The following ADH1A variants were observed in gnomAD, a reference collection of about 807,000 sequenced individuals.
ADH1A encodes the protein alcohol dehydrogenase 1A.
ADH1A carries 29 observed loss-of-function variants against 35.2 expected under a neutral mutation model. The observed-to-expected ratio is 0.82, with a 90% confidence interval of 0.61 to 1.12. ADH1A has a LOEUF of 1.12. ADH1A is among the 50% of genes most tolerant of loss of function. The pLI is 0.00. For missense variants in ADH1A, 469 were observed against 464.7 expected (o/e 1.01, Z -0.09); for synonymous variants, 147 against 164.8 (o/e 0.89, Z 0.83).
chr4:99,286,956 G>C lies in ADH1A; in HGVS notation c.153C>G (p.Asp51Glu), dbSNP rs1733167225. The change falls in exon 3 of 9, where the codon GAC (aspartate) becomes GAG (glutamate). Residue 51 changes from aspartate (D) to glutamate (E), a missense_variant. Physicochemically the swap from Asp to Glu is conservative, Grantham distance 45. Transcript: ENST00000209668. Reference protein sequence around the residue: ...MVAVGICGTDDHVVSGTMVTP... With the variant: ...MVAVGICGTDEHVVSGTMVTP... ...TCACCATGGTACCACTAACCACGTG[G>C]TCATCTGTGCCACAGATTCCTACAG... 1.9e-6 allele frequency: 3 copies of C among 1,614,064 alleles called. No individual in the cohort carries two copies. The highest frequency in any genetic ancestry group is 2.5e-6 in the Non-Finnish European group (3 of 1,180,028).
intron 6 of ADH1A, 62 bp from the exon 7 acceptor site, chr4:99,280,341 C>A (rs1732971328): frequency 6.2e-7 from 1 of 1,606,496 alleles, no homozygotes; most frequent in African/African-American, 1.3e-5. Context: ...ATTCATAATG[C>A]ACAATATCAT....
In ADH1A at chr4:99,286,930, G is replaced by A. The variant is rs1037760683; in HGVS notation, c.179C>T (p.Thr60Ile). 3.7e-6 allele frequency: 6 copies of A among 1,614,138 alleles called. No individual in the cohort carries two copies. The highest frequency in any genetic ancestry group is 4.2e-6 in the Non-Finnish European group (5 of 1,180,014). Residue 60 changes from threonine to isoleucine, a missense_variant, in exon 3 of 9, where the codon ACC becomes ATC. Physicochemically the swap from Thr to Ile is moderately conservative, Grantham distance 89. Transcript: ENST00000209668. Reference sequence around the variant, plus strand: ...ATGGCCTAAAATCACAGGAAGTGGGGTCACCATGGTACCACTAACCACGTG... The same window carrying A: ...ATGGCCTAAAATCACAGGAAGTGGGATCACCATGGTACCACTAACCACGTG... Reference protein sequence around the residue: ...DDHVVSGTMVTPLPVILGHEA... With the variant: ...DDHVVSGTMVIPLPVILGHEA...
chr4:99,282,262 T>C (rs1733025131), intron 6 of ADH1A, 84 bp downstream of exon 6: 5 of 1,612,454 alleles, frequency 3.1e-6, no homozygotes, highest in Admixed American at 3.3e-5. Flanking sequence ...AAATATCCTT[T>C]ATACAGAAAA....
chr4:99,288,307 T>A (rs1232662911), intron 1 of ADH1A, among the ~76,000 whole-genome samples: 6 of 152,062 alleles, frequency 3.9e-5, no homozygotes, highest in Non-Finnish European at 8.8e-5. Context: ...AGCTTTGATT[T>A]GAGCCCCAAA....
In ADH1A at chr4:99,276,615, T is replaced by G; in HGVS notation, c.*9A>C. The G allele has an allele frequency of 6.2e-7, 1 of 1,611,258 alleles. No homozygotes were observed. The highest frequency in any genetic ancestry group is 8.5e-7 in the Non-Finnish European group (1 of 1,177,436). ...GAAGACTGCCACAAGGGAAAACATCTGTATTGTCTCAAAACATCAGAATGG... is the reference window on the plus strand; with the variant it reads ...GAAGACTGCCACAAGGGAAAACATCGGTATTGTCTCAAAACATCAGAATGG... On this transcript the variant is annotated 3_prime_UTR_variant, in exon 9 of 9. Transcript: ENST00000209668.
intron 1 of ADH1A, among the ~76,000 whole-genome samples, chr4:99,290,588 A>T (rs1214350748): frequency 6.6e-6 from 1 of 152,158 alleles, no homozygotes; most frequent in Non-Finnish European, 1.5e-5. Flanking sequence ...GACATTTCTA[A>T]CTTTGGCTTT....
chr4:99,290,428 G>A (rs28364293), intron 1 of ADH1A, among the ~76,000 whole-genome samples: 12 of 152,212 alleles, frequency 7.9e-5, no homozygotes, highest in African/African-American at 2.9e-4. Flanking sequence ...TTATGTTAAG[G>A]TTAAAAGGGT....
At chr4:99,284,040 CT>C (rs1189245684) in intron 5 of ADH1A, among the ~76,000 whole-genome samples, 9 of 152,144 alleles carry the variant, frequency 5.9e-5, no homozygotes, top group African/African-American at 1.9e-4. Context: ...TTTACTTTTG[CT>C]GTCAGAGCCT....
intron 2 of ADH1A, among the ~76,000 whole-genome samples, 163 bp downstream of exon 2, chr4:99,287,401 C>A (rs983702370): frequency 2.0e-5 from 3 of 152,172 alleles, no homozygotes; most frequent in Non-Finnish European, 4.4e-5. Flanking sequence ...ACTGGAATTA[C>A]ACTGTGTGCA....
intron 2 of ADH1A, 56 bp downstream of exon 2, chr4:99,287,508 T>G (rs1733184012): frequency 6.4e-7 from 1 of 1,565,702 alleles, no homozygotes; most frequent in Non-Finnish European, 8.7e-7. Context: ...TTGTTTCCGT[T>G]TTTTAACTTT....
At chr4:99,283,527 A>T (rs1733056359) in intron 5 of ADH1A, among the ~76,000 whole-genome samples, 1 of 151,438 alleles carries the variant, frequency 6.6e-6, no homozygotes, top group African/African-American at 2.5e-5. Context: ...TATGGGGGAC[A>T]ACACCATTTT....
rs1335225494 is a variant in ADH1A, at chr4:99,282,586, A to G, written c.588T>C (p.Cys196=). ...NVAKVTPGST[C]AVFGLGGVGL... is the part of the protein sequence containing the mutation. ...CGACCCCTCCCAGGCCAAACACAGCACAGGTAGAGCCTGGGGTGACCTGTG... is the reference window on the plus strand; with the variant it reads ...CGACCCCTCCCAGGCCAAACACAGCGCAGGTAGAGCCTGGGGTGACCTGTG... Residue 196 remains cysteine, a synonymous_variant, in exon 6 of 9, where the codon TGT becomes TGC. Coordinates refer to ENST00000209668, the MANE Select transcript of ADH1A (RefSeq NM_000667.4). 5.0e-6 allele frequency: 8 copies of G among 1,614,120 alleles called. No homozygotes were observed. Among genetic ancestry groups the G allele is most frequent in the Non-Finnish European group, 6.8e-6 (8 of 1,180,048 alleles).
chr4:99,282,266 C>A, intron 6 of ADH1A, 80 bp downstream of exon 6: 1 of 1,613,136 alleles, frequency 6.2e-7, no homozygotes, highest in South Asian at 1.1e-5. Flanking sequence ...ATCCTTTATA[C>A]AGAAAACATA....
chr4:99,276,769 C>A, intron 8 of ADH1A, 121 bp from the exon 9 acceptor site: 2 of 908,894 alleles, frequency 2.2e-6, no homozygotes, highest in South Asian at 2.9e-5. Context: ...TAATCCCACC[C>A]CCATGCATTC....
In ADH1A at chr4:99,282,526, C is replaced by T. The variant is rs61732097; in HGVS notation, c.648G>A (p.Gly216=). Reference sequence around the variant, plus strand: ...TGTCCACCGCAATGATTCTGGCTGCCCCAGCTGCTTTACAGCCCATAATAG... The same window carrying T: ...TGTCCACCGCAATGATTCTGGCTGCTCCAGCTGCTTTACAGCCCATAATAG... The part of the protein sequence containing the change: ...LSAIMGCKAA[G]AARIIAVDIN... Residue 216 remains glycine, a synonymous_variant, in exon 6 of 9, where the codon GGG becomes GGA. Transcript: ENST00000209668. The T allele has an allele frequency of 1.7e-5, 27 of 1,614,024 alleles. No individual in the cohort carries two copies. Among genetic ancestry groups the T allele is most frequent in the South Asian group, 1.4e-4 (13 of 91,090 alleles).
Position 99,282,445 on chromosome 4 carries a change from G to T in ADH1A, c.729C>A (p.Asn243Lys). The T allele has an allele frequency of 6.2e-7, 1 of 1,614,040 alleles. No homozygotes were observed. Among genetic ancestry groups the T allele is most frequent in the Non-Finnish European group, 8.5e-7 (1 of 1,180,000 alleles). ...AKELGATECI[N>K]PQDYKKPIQE... ...GGATGGGTTTCTTGTAGTCTTGAGG[G>T]TTGATGCATTCAGTGGCACCCAACT... The change falls in exon 6 of 9, where the codon AAC becomes AAA. Residue 243 changes from asparagine (N) to lysine (K), a missense_variant. By Grantham distance (94) the Asn-to-Lys change is moderately conservative. Transcript: ENST00000209668.
chr4:99,288,814 A>C (rs899331869), intron 1 of ADH1A: 5 of 152,122 alleles, frequency 3.3e-5, no homozygotes, highest in Non-Finnish European at 5.9e-5. Context: ...ATTTATTTAT[A>C]AAATTTATTT....
intron 1 of ADH1A, among the ~76,000 whole-genome samples, chr4:99,290,315 G>A (rs1405939644): frequency 6.6e-6 from 1 of 152,130 alleles, no homozygotes; most frequent in African/African-American, 2.4e-5. Flanking sequence ...CCTGAATTGT[G>A]TCCTACTAGA....
rs561529127 is a variant in ADH1A, at chr4:99,287,608, C to T, written c.76G>A (p.Glu26Lys). The change falls in exon 2 of 9, where the codon GAG becomes AAG. Residue 26 changes from glutamate (E) to lysine (K), a missense_variant. Transcript: ENST00000209668. ...WELKKPFSIEEVEVAPPKAHE... is the reference protein window; with the variant it reads ...WELKKPFSIEKVEVAPPKAHE... ...GCCTTAGGAGGTGCAACCTCCACCT[C>T]CTCAATGGAAAAGGGTTTCTTTAAC... The T allele has an allele frequency of 1.1e-5, 17 of 1,613,916 alleles. No homozygotes were observed. The highest frequency in any genetic ancestry group is 1.6e-4 in the Middle Eastern group (1 of 6,062).
Sources: allele counts gnomAD v4.1 joint callset (sites outside exome capture counted in the v4.1 genomes callset), GRCh38; gene constraint gnomAD v4.1.1; transcripts MANE v1.5; gene names NCBI Gene and HGNC (gene_info 2026-07-23, HGNC 2026-07-21).